HSD17B12: variants seen among roughly 807,000 people sequenced by gnomAD.
HSD17B12 encodes the protein very-long-chain 3-oxoacyl-CoA reductase.
HSD17B12 carries 32 observed loss-of-function variants against 39.3 expected under a neutral mutation model. The observed-to-expected ratio is 0.81, with a 90% CI of 0.61 to 1.09. The LOEUF is 1.09. Among genes scored for constraint, HSD17B12 ranks in the 50% least tolerant of loss-of-function variants. The probability of loss-of-function intolerance (pLI) is 0.00; values close to 1 mark genes in which losing one functional copy is unlikely to be tolerated. For missense variants in HSD17B12, 342 were observed against 382.9 expected (o/e 0.89, Z 0.89); for synonymous variants, 150 against 146.7 (o/e 1.02, Z -0.16).
chr11:43,612,020 G>A, the HSD17B12 span, among the ~76,000 whole-genome samples: 1 of 152,150 alleles, frequency 6.6e-6, no homozygotes, highest in African/African-American at 2.4e-5. Flanking sequence ...TGAAAGGGAT[G>A]AGTATAGGTC....
chr11:43,838,585 C>A (rs1590341617), intron 8 of HSD17B12, among the ~76,000 whole-genome samples, 187 bp downstream of exon 8: 1 of 152,042 alleles, frequency 6.6e-6, no homozygotes, highest in Admixed American at 6.6e-5. Flanking sequence ...TATATACTTA[C>A]AATAAACTTA....
At chr11:43,572,524 A>C in the HSD17B12 span, among the ~76,000 whole-genome samples, 6 of 152,250 alleles carry the variant, frequency 3.9e-5, no homozygotes, top group African/African-American at 1.4e-4. Context: ...ATTTGATCTG[A>C]TCCTTAGTTT....
chr11:43,803,825 C>T (rs139474888), intron 4 of HSD17B12, among the ~76,000 whole-genome samples: 1 of 152,036 alleles, frequency 6.6e-6, no homozygotes, highest in Non-Finnish European at 1.5e-5. Context: ...AGGCAAATGC[C>T]AAGAAATACA....
At chr11:43,719,627 A>AT (rs1344057905) in intron 1 of HSD17B12, among the ~76,000 whole-genome samples, 4,767 of 130,298 alleles carry the variant, frequency 0.037, 121 homozygotes, top group East Asian at 0.12. Flanking sequence ...AAAAAAAAAA[A>AT]ATATATATAT....
intron 3 of HSD17B12, among the ~76,000 whole-genome samples, chr11:43,764,297 C>T (rs1950577899): frequency 6.6e-6 from 1 of 152,058 alleles, no homozygotes. Context: ...TTTGAGCTGG[C>T]CATTTCTGTG....
At chr11:43,596,598 A>T in the HSD17B12 span, among the ~76,000 whole-genome samples, 1 of 151,762 alleles carries the variant, frequency 6.6e-6, no homozygotes, top group South Asian at 2.1e-4. Context: ...ATACCTGGCT[A>T]ATTTTTTTTT....
chr11:43,620,303 A>G, the HSD17B12 span, among the ~76,000 whole-genome samples: 1 of 152,212 alleles, frequency 6.6e-6, no homozygotes, highest in African/African-American at 2.4e-5. Context: ...TTTATAGATG[A>G]GGAAACTGAG....
the HSD17B12 span, among the ~76,000 whole-genome samples, chr11:43,632,794 C>T: frequency 6.6e-6 from 1 of 152,022 alleles, no homozygotes; most frequent in African/African-American, 2.4e-5. Flanking sequence ...TGTAAGTGGA[C>T]ATTTGGGCAT....
the HSD17B12 span, among the ~76,000 whole-genome samples, chr11:43,622,944 G>T: frequency 1.3e-5 from 2 of 152,004 alleles, no homozygotes; most frequent in Admixed American, 6.6e-5. Context: ...GTTCTACAAG[G>T]TTTATGATCA....
intron 4 of HSD17B12, among the ~76,000 whole-genome samples, chr11:43,814,932 TGA>T (rs2135077900): frequency 6.6e-6 from 1 of 152,332 alleles, no homozygotes; most frequent in East Asian, 1.9e-4. Context: ...ACATATTTTT[TGA>T]GTTATTAAAT....
the HSD17B12 span, among the ~76,000 whole-genome samples, chr11:43,589,629 T>C: frequency 5.9e-5 from 9 of 152,192 alleles, no homozygotes; most frequent in African/African-American, 2.2e-4. Flanking sequence ...TTTTCCTTTT[T>C]TCTGTCGTTT....
At chr11:43,845,801 C>G (rs1264954437) in intron 9 of HSD17B12, among the ~76,000 whole-genome samples, 1 of 152,180 alleles carries the variant, frequency 6.6e-6, no homozygotes, top group Non-Finnish European at 1.5e-5. Context: ...CTTGCACTAA[C>G]AAGCAACTGT....
chr11:43,712,824 T>C (rs1950081689), intron 1 of HSD17B12, among the ~76,000 whole-genome samples: 1 of 152,324 alleles, frequency 6.6e-6, no homozygotes, highest in East Asian at 1.9e-4. Context: ...AAAACTTTGC[T>C]AAACAAAATG....
the HSD17B12 span, among the ~76,000 whole-genome samples, chr11:43,588,170 A>G: frequency 6.6e-6 from 1 of 152,182 alleles, no homozygotes. Flanking sequence ...GCAAAGGGGC[A>G]TTTACTGATT....
chr11:43,759,621 G>C (rs538302499), intron 3 of HSD17B12, among the ~76,000 whole-genome samples: 1 of 152,266 alleles, frequency 6.6e-6, no homozygotes, highest in South Asian at 2.1e-4. Flanking sequence ...ATAAAAAGGA[G>C]ACTAGCTTTC....
chr11:43,586,220 G>A, the HSD17B12 span, among the ~76,000 whole-genome samples: 1 of 152,164 alleles, frequency 6.6e-6, no homozygotes. Context: ...GTTCAAAGAA[G>A]AGTTTACAGA....
chr11:43,610,369 G>A, the HSD17B12 span, among the ~76,000 whole-genome samples: 1 of 152,158 alleles, frequency 6.6e-6, no homozygotes, highest in African/African-American at 2.4e-5. Context: ...GCAGATAGGG[G>A]TCCAGACAGA....
intron 9 of HSD17B12, among the ~76,000 whole-genome samples, chr11:43,841,335 C>T (rs1016380126): frequency 1.3e-5 from 2 of 152,156 alleles, no homozygotes; most frequent in Non-Finnish European, 2.9e-5. Context: ...CGTGAGTTGC[C>T]ATTTTATTCT....
the HSD17B12 span, among the ~76,000 whole-genome samples, chr11:43,610,633 G>T: frequency 6.6e-6 from 1 of 152,130 alleles, no homozygotes; most frequent in Non-Finnish European, 1.5e-5. Context: ...ACTAGTAGAT[G>T]GTAGGGACTC....
Sources: allele counts gnomAD v4.1 joint callset (sites outside exome capture counted in the v4.1 genomes callset), GRCh38; gene constraint gnomAD v4.1.1; transcripts MANE v1.5; gene names NCBI Gene and HGNC (gene_info 2026-07-23, HGNC 2026-07-21).